SGK1: variants seen among roughly 807,000 people sequenced by gnomAD.
SGK1 encodes serum/glucocorticoid regulated kinase 1.
In SGK1, 26 loss-of-function variants were observed where a neutral mutation model predicts 64.2. The ratio of observed to expected loss-of-function variants is 0.40; its 90% confidence interval spans 0.30 to 0.56. SGK1 has a LOEUF of 0.56. SGK1 is among the 20% of genes least tolerant of loss of function. The pLI is 0.38. For synonymous variants in SGK1, 265 were observed against 239.7 expected, an observed-to-expected ratio of 1.11 and a Z score of -0.98; for missense variants, 519 against 645.6, an observed-to-expected ratio of 0.80 and a Z score of 2.12.
intron 3 of SGK1, among the ~76,000 whole-genome samples, chr6:134,204,107 G>A (rs1775728804): frequency 6.6e-6 from 1 of 150,566 alleles, no homozygotes; most frequent in African/African-American, 2.4e-5. Flanking sequence ...TAATAACAGA[G>A]GTTCAAAATA....
intron 1 of SGK1, among the ~76,000 whole-genome samples, chr6:134,314,374 T>G: frequency 1.3e-5 from 2 of 151,612 alleles, no homozygotes. Flanking sequence ...GACAGAAGAG[T>G]CTGTTGTGGA....
intron 1 of SGK1, among the ~76,000 whole-genome samples, chr6:134,264,830 T>C (rs899773713): frequency 1.8e-4 from 28 of 152,096 alleles, no homozygotes; most frequent in African/African-American, 6.3e-4. Flanking sequence ...AATTGTTTTG[T>C]AGAGACAGGG....
chr6:134,298,435 C>T lies in SGK1; in HGVS notation c.69+18957G>A, dbSNP rs375220395. 221 of 921,616 alleles carry T rather than the reference C, an allele frequency of 2.4e-4. 1 individual carries two copies. In the East Asian group the frequency reaches 4.4e-3, roughly 18 times the overall value. The allele number at this position is 921,616 out of a possible 1,614,324, so 57.1% of individuals were successfully genotyped here. A position where few individuals can be genotyped will look rare whatever the true frequency, so the allele number is the denominator to read the frequency against. ...CTTGATCTTCCCCTTCTTTTGGGTG[C>T]GCAGGCCTGGATGTTGGGATCCACC... is the stretch of plus-strand genomic sequence containing the variant. On this transcript the variant is annotated intron_variant, in intron 1 of 13. Transcript: ENST00000367858.
chr6:134,293,059 G>T (rs2114782257), intron 1 of SGK1, among the ~76,000 whole-genome samples: 1 of 152,254 alleles, frequency 6.6e-6, no homozygotes, highest in East Asian at 1.9e-4. Flanking sequence ...TCATCTGTGT[G>T]CCATAAAAGA....
At chr6:134,238,486 AAAG>A (rs1240886400) in intron 2 of SGK1, among the ~76,000 whole-genome samples, 2 of 152,244 alleles carry the variant, frequency 1.3e-5, no homozygotes, top group African/African-American at 4.8e-5. Flanking sequence ...ACTTGAAATC[AAAG>A]AAGTAGGGGC....
intron 3 of SGK1, among the ~76,000 whole-genome samples, chr6:134,201,551 G>A (rs145146795): frequency 0.012 from 1,833 of 151,270 alleles, 48 homozygotes; most frequent in African/African-American, 0.042. Context: ...TAGTAGAGAC[G>A]GGGTTTCACC....
In SGK1 at chr6:134,200,337, G is replaced by T. The variant is rs534051481; in HGVS notation, c.361+7019C>A. Among the ~76,000 whole-genome samples, 97 of 152,136 alleles carry T rather than the reference G, an allele frequency of 6.4e-4. 1 individual carries two copies. Among genetic ancestry groups the T allele is most frequent in the African/African-American group, 2.3e-3 (95 of 41,512 alleles). ...TATGATGAGCATATGCCACTTTTAT[G>T]TTATAATGATAAAAAAGAAAGACTT... is the stretch of plus-strand genomic sequence containing the variant. On this transcript the variant is annotated intron_variant, in intron 3 of 13. Transcript: ENST00000367858.
At chr6:134,240,099 C>T (rs1163964265) in intron 2 of SGK1, among the ~76,000 whole-genome samples, 1 of 152,100 alleles carries the variant, frequency 6.6e-6, no homozygotes, top group Non-Finnish European at 1.5e-5. Context: ...CAAGACCAGC[C>T]TGGCCAACAT....
chr6:134,306,072 G>T (rs1777530382), intron 1 of SGK1, among the ~76,000 whole-genome samples: 1 of 152,064 alleles, frequency 6.6e-6, no homozygotes, highest in African/African-American at 2.4e-5. Context: ...AATGCTGAAG[G>T]CATTCATTAA....
chr6:134,218,100 G>T (rs866891729), intron 2 of SGK1, among the ~76,000 whole-genome samples: 2 of 152,202 alleles, frequency 1.3e-5, no homozygotes, highest in African/African-American at 4.8e-5. Context: ...GAGGATCAGA[G>T]ATTTGGGGAC....
At chr6:134,231,352 A>G (rs978042634) in intron 2 of SGK1, among the ~76,000 whole-genome samples, 1 of 152,364 alleles carries the variant, frequency 6.6e-6, no homozygotes, top group African/African-American at 2.4e-5. Context: ...CTGTAAAAAG[A>G]GAGTTAGCAA....
intron 2 of SGK1, among the ~76,000 whole-genome samples, chr6:134,221,069 C>T (rs757938603): frequency 1.3e-5 from 2 of 151,772 alleles, no homozygotes; most frequent in Admixed American, 6.6e-5. Flanking sequence ...TTTGGGAGGC[C>T]GAGGCAGGCA....
At chr6:134,304,379 C>T (rs966088165) in intron 1 of SGK1, among the ~76,000 whole-genome samples, 6 of 152,112 alleles carry the variant, frequency 3.9e-5, no homozygotes, top group Admixed American at 2.0e-4. Flanking sequence ...AGGCTGGGTG[C>T]GGATGCTCAC....
intron 3 of SGK1, among the ~76,000 whole-genome samples, chr6:134,198,665 C>G (rs1775631512): frequency 6.7e-6 from 1 of 149,828 alleles, no homozygotes; most frequent in African/African-American, 2.4e-5. Flanking sequence ...TATTACTGCT[C>G]CTGAGTAAAT....
intron 2 of SGK1, among the ~76,000 whole-genome samples, chr6:134,233,425 A>G (rs545776281): frequency 6.6e-6 from 1 of 152,230 alleles, no homozygotes; most frequent in Admixed American, 6.5e-5. Flanking sequence ...TTTAGGTCCC[A>G]TGAGCATCAA....
At chr6:134,182,599 A>G (rs1775348055) in intron 3 of SGK1, among the ~76,000 whole-genome samples, 1 of 152,168 alleles carries the variant, frequency 6.6e-6, no homozygotes, top group Admixed American at 6.5e-5. Context: ...CACCCTACGC[A>G]CATCACAAGT....
intron 2 of SGK1, among the ~76,000 whole-genome samples, chr6:134,235,524 G>T (rs751421428): frequency 9.5e-6 from 1 of 105,058 alleles, no homozygotes. Context: ...CAAGGAGGAA[G>T]TGGAAAAAAT....
chr6:134,256,117 T>C (rs1261517517), intron 2 of SGK1, among the ~76,000 whole-genome samples: 2 of 150,320 alleles, frequency 1.3e-5, no homozygotes, highest in Non-Finnish European at 3.0e-5. Context: ...TTGTCGATAT[T>C]TATATTGCTA....
chr6:134,269,944 G>A (rs1373574819), intron 1 of SGK1, among the ~76,000 whole-genome samples: 9 of 144,996 alleles, frequency 6.2e-5, no homozygotes, highest in African/African-American at 1.7e-4. Context: ...TTTTTGAGAC[G>A]GAGTTGTACT....
Sources: gnomAD v4.1 joint callset for allele counts (sites outside exome capture counted in the v4.1 genomes callset) on GRCh38, gnomAD v4.1.1 for gene constraint, MANE v1.5 for transcripts, NCBI Gene and HGNC (gene_info 2026-07-23, HGNC 2026-07-21) for gene names.